The following THUMPD3 variants were observed in gnomAD, a reference collection of about 807,000 sequenced individuals.
THUMPD3 encodes tRNA (guanine(6)-N(2))-methyltransferase THUMP3.
A neutral mutation model predicts 54.5 loss-of-function variants in THUMPD3; 44 were observed. The ratio of observed to expected loss-of-function variants is 0.81; its 90% CI spans 0.63 to 1.04. The LOEUF (loss-of-function observed/expected upper bound fraction) is 1.04, where lower values mean the gene tolerates loss of function less well. Among genes scored for constraint, THUMPD3 ranks in the 50% least tolerant of loss-of-function variants. The pLI, the probability that THUMPD3 is intolerant of heterozygous loss-of-function variation, is 0.00. For missense variants in THUMPD3, 604 were observed against 601.3 expected (o/e 1.00, Z -0.05); for synonymous variants, 196 against 201.4 (o/e 0.97, Z 0.23).
In THUMPD3 at chr3:9,371,057, C is replaced by T; in HGVS notation, c.331-3C>T. 2 of 1,545,028 alleles carry T rather than the reference C, an allele frequency of 1.3e-6. No individual in the cohort carries two copies. Among genetic ancestry groups the T allele is most frequent in the Non-Finnish European group, 1.7e-6 (2 of 1,150,326 alleles). ...AATGAATTTCTTTCTCTGTCCTTTA[C>T]AGGAAGAAGTTCTAAAGGATTTTGA... On this transcript the variant is annotated splice_region_variant and splice_polypyrimidine_tract_variant and intron_variant, in intron 3 of 9. Transcript: ENST00000452837.
chr3:9,383,159 C>G, intron 7 of THUMPD3, 40 bp from the exon 8 acceptor site: 2 of 1,405,902 alleles, frequency 1.4e-6, no homozygotes, highest in Non-Finnish European at 2.0e-6. Context: ...TAACTTTATG[C>G]TTCACAGTAT....
chr3:9,384,514 G>A lies in THUMPD3; in HGVS notation c.1360-10G>A. 6.2e-7 allele frequency: 1 copy of A among 1,612,494 alleles called. No individual in the cohort carries two copies. The highest frequency in any genetic ancestry group is 8.5e-7 in the Non-Finnish European group (1 of 1,179,584). ...TCAACCTAATTGTTATTTTTTTTGT[G>A]TGTACACAGGCGTTATCTGGAATGC... is the stretch of plus-strand genomic sequence containing the variant. On this transcript the variant is annotated splice_polypyrimidine_tract_variant and intron_variant, in intron 9 of 9. Transcript: ENST00000452837.
intron 1 of THUMPD3, chr3:9,363,583 A>C (rs2031109611): frequency 6.6e-6 from 1 of 152,082 alleles, no homozygotes. Flanking sequence ...ATCTCGTGTA[A>C]GCTATGGCCC....
At position 9,381,943 on chromosome 3, in the gene THUMPD3, CTTA is replaced by C. The variant is rs2032948620; in HGVS notation, c.1125-1253_1125-1251del. On this transcript the variant is annotated intron_variant, in intron 7 of 9. Coordinates refer to ENST00000452837, the MANE Select transcript of THUMPD3 (RefSeq NM_001114092.2). ...TACAGGCACCCGCCACCATGCCCGG[CTTA>C]TTTTTTTTTTGTATTTTTAGTAGAG... Among the ~76,000 whole-genome samples, 4 of 151,070 alleles carry C rather than the reference CTTA, an allele frequency of 2.6e-5. No homozygotes were observed. In the South Asian group the frequency reaches 8.4e-4, roughly 32 times the overall value.
intron 4 of THUMPD3, among the ~76,000 whole-genome samples, chr3:9,372,134 A>G (rs1015701787): frequency 6.6e-6 from 1 of 152,220 alleles, no homozygotes; most frequent in Non-Finnish European, 1.5e-5. Context: ...GGCCTCCCAA[A>G]GTGCTGGGAT....
chr3:9,380,489 CTCTTA>C lies in THUMPD3; in HGVS notation c.1009-9_1009-5del. On this transcript the variant is annotated splice_polypyrimidine_tract_variant and intron_variant, in intron 6 of 9. Transcript: ENST00000452837. Reference sequence around the variant, plus strand: ...TTTGCTACTTTTGTTTTAACATACACTCTTATCTTTTAGGGGGCCACTGAATGGTC... The same window carrying C: ...TTTGCTACTTTTGTTTTAACATACACTCTTTTAGGGGGCCACTGAATGGTC... 1 of 1,553,744 alleles carries C rather than the reference CTCTTA, an allele frequency of 6.4e-7. No homozygotes were observed. The highest frequency in any genetic ancestry group is 1.1e-5 in the South Asian group (1 of 87,100).
intron 5 of THUMPD3, among the ~76,000 whole-genome samples, chr3:9,375,972 A>C (rs984033457): frequency 2.0e-5 from 3 of 152,204 alleles, no homozygotes; most frequent in Non-Finnish European, 2.9e-5. Context: ...TTCTCTTCCA[A>C]TCTTTTATCT....
intron 7 of THUMPD3, among the ~76,000 whole-genome samples, chr3:9,381,832 T>G (rs1270304705): frequency 2.2e-5 from 3 of 136,504 alleles, no homozygotes; most frequent in Non-Finnish European, 4.6e-5. Flanking sequence ...CAGGCTGGAG[T>G]GCAGTGGCTT....
In THUMPD3 at chr3:9,371,485, T is replaced by A; in HGVS notation, c.756T>A (p.Ala252=). 1 of 1,614,086 alleles carries A rather than the reference T, an allele frequency of 6.2e-7. No homozygotes were observed. The highest frequency in any genetic ancestry group is 1.1e-5 in the South Asian group (1 of 91,070). The change falls in exon 4 of 10, where the codon GCT becomes GCA. Residue 252 remains alanine (A), a synonymous_variant. Transcript: ENST00000452837. ...SNEAARDFGG[A]VQDYFKWKAD... ...AGGCTGCAAGAGATTTTGGGGGTGCTGTTCAAGATTATTTTAAGTGGAAGG... is the reference window on the plus strand; with the variant it reads ...AGGCTGCAAGAGATTTTGGGGGTGCAGTTCAAGATTATTTTAAGTGGAAGG...
Position 9,384,285 on chromosome 3 carries a change from A to G in THUMPD3, c.1309A>G (p.Thr437Ala). 1 of 1,614,144 alleles carries G rather than the reference A, an allele frequency of 6.2e-7. No individual in the cohort carries two copies. The highest frequency in any genetic ancestry group is 1.3e-5 in the African/African-American group (1 of 75,016). ...GGAGATGAGCCGTGTCTGCACACCT[A>G]CCACAGGCCGAGCTGTACTACTTAC... ...LREMSRVCTP[T>A]TGRAVLLTQD... The change falls in exon 9 of 10, where the codon ACC (threonine) becomes GCC (alanine). Residue 437 changes from threonine (T) to alanine (A), a missense_variant. By Grantham distance (58) the Thr-to-Ala change is moderately conservative. Transcript: ENST00000452837.
rs771022162 is a variant in THUMPD3 at position 9,371,452 on chromosome 3, C to A, written c.723C>A (p.Thr241=). 1 of 1,614,038 alleles carries A rather than the reference C, an allele frequency of 6.2e-7. No individual in the cohort carries two copies. Among genetic ancestry groups the A allele is most frequent in the Non-Finnish European group, 8.5e-7 (1 of 1,180,048 alleles). ...GGGCAGGAGAGAAACATTGCTTTAC[C>A]TCAAATGAGGCTGCAAGAGATTTTG... is the stretch of plus-strand genomic sequence containing the variant. ...CNRAGEKHCF[T]SNEAARDFGG... Residue 241 remains threonine (T), a synonymous_variant, in exon 4 of 10, where the codon ACC becomes ACA. Coordinates refer to ENST00000452837, the MANE Select transcript of THUMPD3 (RefSeq NM_001114092.2).
intron 3 of THUMPD3, 92 bp from the exon 4 acceptor site, chr3:9,370,968 A>C (rs2031989190): frequency 9.1e-7 from 1 of 1,098,332 alleles, no homozygotes; most frequent in Non-Finnish European, 1.3e-6. Context: ...AGTGTCCCCC[A>C]CGGATACCAA....
At chr3:9,370,997 G>C in intron 3 of THUMPD3, 63 bp from the exon 4 acceptor site, 1 of 1,351,594 alleles carries the variant, frequency 7.4e-7, no homozygotes. Context: ...AAGCAAAGTA[G>C]AGGTTTATTT....
intron 4 of THUMPD3, among the ~76,000 whole-genome samples, chr3:9,373,249 T>C (rs2032198796): frequency 6.6e-6 from 1 of 152,072 alleles, no homozygotes; most frequent in Admixed American, 6.6e-5. Flanking sequence ...TCCCAGCACT[T>C]TGGGAGGTCA....
chr3:9,382,734 C>T (rs1407172145), intron 7 of THUMPD3, among the ~76,000 whole-genome samples: 1 of 152,020 alleles, frequency 6.6e-6, no homozygotes, highest in African/African-American at 2.4e-5. Context: ...AGTTTGTTTC[C>T]CTTTTTTCTG....
In THUMPD3 at chr3:9,380,524, T is replaced by C. The variant is rs1344237586; in HGVS notation, c.1030T>C (p.Cys344Arg). The stretch of plus-strand genomic sequence containing the variant: ...TTAGGGGGCCACTGAATGGTCTGAC[T>C]GTTTCCATATTGCTGGTGATAATAA... ...PIEGATEWSD[C>R]FHIAGDNNPL... The change falls in exon 7 of 10, where the codon TGT (cysteine) becomes CGT (arginine). Residue 344 changes from cysteine to arginine, a missense_variant. Physicochemically the swap from Cys to Arg is radical, Grantham distance 180 (BLOSUM62 -3). Transcript: ENST00000452837. 10 of 1,612,832 alleles carry C rather than the reference T, an allele frequency of 6.2e-6. No homozygotes were observed. The highest frequency in any genetic ancestry group is 8.5e-6 in the Non-Finnish European group (10 of 1,179,264).
In THUMPD3 at chr3:9,371,272, T is replaced by G. The variant is rs778654400; in HGVS notation, c.543T>G (p.Asp181Glu). ...VKKEFTSHAL[D>E]SHILDYYENP... ...AAGAGTTCACTAGCCATGCTTTAGA[T>G]TCTCATATCTTAGATTATTATGAAA... is the stretch of plus-strand genomic sequence containing the variant. The change falls in exon 4 of 10, where the codon GAT (aspartate) becomes GAG (glutamate). Residue 181 changes from aspartate to glutamate, a missense_variant. Transcript: ENST00000452837. 6 of 1,613,648 alleles carry G rather than the reference T, an allele frequency of 3.7e-6. No homozygotes were observed. The highest frequency in any genetic ancestry group is 5.1e-6 in the Non-Finnish European group (6 of 1,179,912).
chr3:9,383,504 T>C (rs1285742014), intron 8 of THUMPD3, among the ~76,000 whole-genome samples, 195 bp downstream of exon 8: 2 of 152,196 alleles, frequency 1.3e-5, no homozygotes, highest in African/African-American at 4.8e-5. Context: ...ATCCTGACCA[T>C]CATGGGAGGT....
rs1450408109 is a variant in THUMPD3, at chr3:9,371,435, G to C, written c.706G>C (p.Glu236Gln). 2 of 1,614,224 alleles carry C rather than the reference G, an allele frequency of 1.2e-6. No homozygotes were observed. The highest frequency in any genetic ancestry group is 1.7e-5 in the Admixed American group (1 of 60,018). Reference sequence around the variant, plus strand: ...TAGAGTCACATGCAACAGGGCAGGAGAGAAACATTGCTTTACCTCAAATGA... The same window carrying C: ...TAGAGTCACATGCAACAGGGCAGGACAGAAACATTGCTTTACCTCAAATGA... ...KFRVTCNRAG[E>Q]KHCFTSNEAA... The change falls in exon 4 of 10, where the codon GAG becomes CAG. Residue 236 changes from glutamate to glutamine, a missense_variant. Transcript: ENST00000452837.
Sources: allele counts gnomAD v4.1 joint callset (sites outside exome capture counted in the v4.1 genomes callset), GRCh38; gene constraint gnomAD v4.1.1; transcripts MANE v1.5; gene names NCBI Gene and HGNC (gene_info 2026-07-23, HGNC 2026-07-21).